TTN: variants seen among roughly 807,000 people sequenced by gnomAD.
TTN encodes the protein connectin.
A neutral mutation model predicts 3,223.0 loss-of-function variants in TTN; 1,525 were observed. The observed-to-expected ratio is 0.47, with a 90% CI of 0.45 to 0.49. The LOEUF is 0.49. TTN is among the 20% of genes least tolerant of loss of function. TTN has a pLI of 0.00. For synonymous variants in TTN, 14,094 were observed against 15,161.0 expected, an observed-to-expected ratio of 0.93 and a Z score of 5.17; for missense variants, 40,786 against 43,424.0, an observed-to-expected ratio of 0.94 and a Z score of 5.40.
Position 178,627,118 on chromosome 2 carries a change from A to T in TTN, c.44425-1722T>A, listed in dbSNP as rs1326823320. Reference sequence around the variant, plus strand: ...AATATAATACGGTAGGCTTATGACCATGACAAAACTATTAAAGTTTTGTAT... The same window carrying T: ...AATATAATACGGTAGGCTTATGACCTTGACAAAACTATTAAAGTTTTGTAT... On this transcript the variant is annotated intron_variant, in intron 240 of 362. Coordinates refer to ENST00000589042, the MANE Select transcript of TTN (RefSeq NM_001267550.2). Among the ~76,000 whole-genome samples the T allele has an allele frequency of 2.0e-5, 3 of 152,122 alleles. No individual in the cohort carries two copies. In the East Asian group the frequency reaches 5.8e-4, roughly 30 times the overall value.
Position 178,569,666 on chromosome 2 carries a change from A to C in TTN, c.76466T>G (p.Val25489Gly). Residue 25489 changes from valine (V) to glycine (G), a missense_variant, in exon 326 of 363, where the codon GTT becomes GGT. Val to Gly is a moderately radical substitution (Grantham distance 109). Coordinates refer to ENST00000589042, the MANE Select transcript of TTN (RefSeq NM_001267550.2). ...FRICAINKAG[V>G]GEHADVPGPI... ...TCCAGGGACGTCAGCATGTTCTCCA[A>C]CTCCAGCTTTATTAATAGCACAGAT... is the stretch of plus-strand genomic sequence containing the variant. 1.2e-6 allele frequency: 2 copies of C among 1,612,436 alleles called. No homozygotes were observed. The highest frequency in any genetic ancestry group is 1.7e-6 in the Non-Finnish European group (2 of 1,179,260).
At position 178,592,073 on chromosome 2, in the gene TTN, C is replaced by T. The variant is rs1202165350; in HGVS notation, c.59831G>A (p.Gly19944Asp). The T allele has an allele frequency of 1.2e-6, 2 of 1,613,022 alleles. No homozygotes were observed. Among genetic ancestry groups the T allele is most frequent in the Non-Finnish European group, 1.7e-6 (2 of 1,179,512 alleles). Reference sequence around the variant, plus strand: ...AGCTACTCGGAAGAGGTACTGGTTGCCTTCATTCAGATGCTTAGCGAAGTG... The same window carrying T: ...AGCTACTCGGAAGAGGTACTGGTTGTCTTCATTCAGATGCTTAGCGAAGTG... ...KSHFAKHLNE[G>D]NQYLFRVAAE... Residue 19944 changes from glycine to aspartate, a missense_variant, in exon 302 of 363, where the codon GGC (glycine) becomes GAC (aspartate). Physicochemically the swap from Gly to Asp is moderately conservative, Grantham distance 94. Transcript: ENST00000589042.
In TTN at chr2:178,770,498, C is replaced by T; in HGVS notation, c.8294G>A (p.Arg2765Lys). 1 of 1,614,146 alleles carries T rather than the reference C, an allele frequency of 6.2e-7. No individual in the cohort carries two copies. Among genetic ancestry groups the T allele is most frequent in the Admixed American group, 1.7e-5 (1 of 60,016 alleles). ...ISVKGTIYSLRIKNCAIVDES... is the reference protein window; with the variant it reads ...ISVKGTIYSLKIKNCAIVDES... ...ATCCACGATGGCACAGTTTTTAATC[C>T]TCAGAGAGTAAATTGTTCCTTTGAC... The change falls in exon 35 of 363, where the codon AGG becomes AAG. Residue 2765 changes from arginine to lysine, a missense_variant. By Grantham distance (26) the Arg-to-Lys change is conservative. Transcript: ENST00000589042.
chr2:178,532,282 G>C lies in TTN; in HGVS notation c.104333C>G (p.Thr34778Arg). The C allele has an allele frequency of 6.2e-7, 1 of 1,613,896 alleles. No individual in the cohort carries two copies. The highest frequency in any genetic ancestry group is 8.5e-7 in the Non-Finnish European group (1 of 1,179,872). Residue 34778 changes from threonine (T) to arginine (R), a missense_variant, in exon 358 of 363, where the codon ACG (threonine) becomes AGG (arginine). Thr to Arg is a moderately conservative substitution (Grantham distance 71, BLOSUM62 -1). Transcript: ENST00000589042. ...GTATTCTGAGAGATGCTGGGTGGTC[G>C]TAACTGGGCGAAGCAACTCTTCATC... is the stretch of plus-strand genomic sequence containing the variant. ...REDEELLRPV[T>R]TTQHLSEYKS...
intron 239 of TTN, among the ~76,000 whole-genome samples, chr2:178,629,752 T>C (rs2059561481): frequency 6.6e-6 from 1 of 152,064 alleles, no homozygotes. Context: ...CCAAAATAAC[T>C]AAGACTCTGA....
rs908946588 is a variant in TTN, at chr2:178,611,619, G to A, written c.50610C>T (p.Ala16870=). 2.5e-6 allele frequency: 4 copies of A among 1,613,046 alleles called. No homozygotes were observed. Among genetic ancestry groups the A allele is most frequent in the Non-Finnish European group, 2.5e-6 (3 of 1,179,346 alleles). ...TTTTCTCTGGAGGCTTCCAAGCAAT[G>A]GCAATGTGTTTTCTCCCAGCATCAG... The part of the protein sequence containing the change: ...HVTDAGRKHI[A]IAWKPPEKNG... Residue 16870 remains alanine, a synonymous_variant, in exon 269 of 363, where the codon GCC becomes GCT. Transcript: ENST00000589042.
Position 178,577,896 on chromosome 2 carries a change from G to T in TTN, c.68530C>A (p.Pro22844Thr). The T allele has an allele frequency of 1.3e-6, 2 of 1,581,374 alleles. No individual in the cohort carries two copies. The highest frequency in any genetic ancestry group is 1.7e-6 in the Non-Finnish European group (2 of 1,165,176). ...TTAATAACCTCAGGTTTTCCAGGAG[G>T]ATCTAAAACATAAAAGCAAAACCAG... ...EPVVALDPID[P>T]PGKPEVINIT... Residue 22844 changes from proline (P) to threonine (T), a missense_variant and splice_region_variant, in exon 323 of 363, where the codon CCT becomes ACT. By Grantham distance (38) the Pro-to-Thr change is conservative. Transcript: ENST00000589042.
At chr2:178,609,160 T>G in intron 273 of TTN, 48 bp downstream of exon 273, 1 of 1,440,506 alleles carries the variant, frequency 6.9e-7, no homozygotes, top group South Asian at 1.6e-5. Flanking sequence ...TATTTTTATG[T>G]TTTACTAAAA....
At chr2:178,639,228 A>G (rs1280264390) in intron 223 of TTN, among the ~76,000 whole-genome samples, 2 of 152,040 alleles carry the variant, frequency 1.3e-5, no homozygotes, top group Non-Finnish European at 2.9e-5. Context: ...ATTCAGTTGC[A>G]TGAAATACAT....
Position 178,566,853 on chromosome 2 carries a change from C to G in TTN, c.79279G>C (p.Asp26427His), listed in dbSNP as rs1157004476. ...EIIGYIVEKRDRSGIRWIKCN... is the reference protein window; with the variant it reads ...EIIGYIVEKRHRSGIRWIKCN... ...TTTATCCATCGAATGCCACTTCTGT[C>G]TCTTTTCTCTACAATGTAACCAATA... Residue 26427 changes from aspartate to histidine, a missense_variant, in exon 326 of 363, where the codon GAC (aspartate) becomes CAC (histidine). Asp to His is a moderately conservative substitution (Grantham distance 81). Transcript: ENST00000589042. The G allele has an allele frequency of 6.2e-7, 1 of 1,613,332 alleles. No homozygotes were observed. Among genetic ancestry groups the G allele is most frequent in the African/African-American group, 1.3e-5 (1 of 74,882 alleles).
At chr2:178,529,771 T>C (rs887075309) in intron 359 of TTN, among the ~76,000 whole-genome samples, 189 bp downstream of exon 359, 1 of 152,256 alleles carries the variant, frequency 6.6e-6, no homozygotes, top group Non-Finnish European at 1.5e-5. Flanking sequence ...CTGCTTTTTA[T>C]GCTCATAGAA....
intron 8 of TTN, 101 bp downstream of exon 8, chr2:178,794,298 A>C: frequency 6.5e-7 from 1 of 1,543,582 alleles, no homozygotes; most frequent in South Asian, 1.1e-5. Context: ...CTTCAGAATG[A>C]ATTGAGCACA....
intron 73 of TTN, 27 bp downstream of exon 73, chr2:178,723,829 T>C: frequency 1.3e-6 from 2 of 1,569,610 alleles, no homozygotes; most frequent in Non-Finnish European, 1.7e-6. Flanking sequence ...TGTAAGAAAT[T>C]CCTTACAAGT....
At chr2:178,747,966 G>T in intron 47 of TTN, 1 of 1,612,972 alleles carries the variant, frequency 6.2e-7, no homozygotes, top group East Asian at 2.2e-5. Context: ...TCACCTCTGT[G>T]GTCTTCCAAA....
Position 178,546,860 on chromosome 2 carries a change from A to G in TTN, c.94568T>C (p.Val31523Ala). 1 of 1,600,152 alleles carries G rather than the reference A, an allele frequency of 6.2e-7. No individual in the cohort carries two copies. Among genetic ancestry groups the G allele is most frequent in the South Asian group, 1.1e-5 (1 of 89,958 alleles). Residue 31523 changes from valine to alanine, a missense_variant, in exon 341 of 363, where the codon GTA becomes GCA. Coordinates refer to ENST00000589042, the MANE Select transcript of TTN (RefSeq NM_001267550.2). Reference sequence around the variant, plus strand: ...CGCTGGGGCAGACCAAATCAGTGATACTGTTGATCTTGTGACATCTGTCAC... The same window carrying G: ...CGCTGGGGCAGACCAAATCAGTGATGCTGTTGATCTTGTGACATCTGTCAC... ...PEVTDVTRST[V>A]SLIWSAPAYD...
Position 178,630,504 on chromosome 2 carries a change from T to C in TTN, c.44155-137A>G, listed in dbSNP as rs550121595. On this transcript the variant is annotated intron_variant, in intron 238 of 362. Coordinates refer to ENST00000589042, the MANE Select transcript of TTN (RefSeq NM_001267550.2). ...TTTATATAACTTTGAGCTCTTTTTT[T>C]AGGAAGTAAAGCTTACAAGTACTAA... 4 of 1,207,630 alleles carry C rather than the reference T, an allele frequency of 3.3e-6. No individual in the cohort carries two copies. The African/African-American group carries it at 6.2e-5, about 19-fold the overall frequency. The allele number at this position is 1,207,630 out of a possible 1,614,324, so 74.8% of individuals were successfully genotyped here.
At position 178,576,924 on chromosome 2, in the gene TTN, A is replaced by G; in HGVS notation, c.69411T>C (p.Phe23137=). 6.2e-7 allele frequency: 1 copy of G among 1,610,300 alleles called. No homozygotes were observed. Among genetic ancestry groups the G allele is most frequent in the Non-Finnish European group, 8.5e-7 (1 of 1,177,988 alleles). Residue 23137 remains phenylalanine (F), a splice_region_variant and synonymous_variant, in exon 324 of 363, where the codon TTT becomes TTC. Coordinates refer to ENST00000589042, the MANE Select transcript of TTN (RefSeq NM_001267550.2). The surrounding 1 kb of genome is among the most constrained non-coding windows in gnomAD (Gnocchi z 4.3). ...AATTCCCTCACATGCTCTACATACCAAATCTGTCTACCATTTTGACAGGTT... is the reference window on the plus strand; with the variant it reads ...AATTCCCTCACATGCTCTACATACCGAATCTGTCTACCATTTTGACAGGTT... The part of the protein sequence containing the change: ...QSEPVKMVDR[F]GPPGPPEKPE...
rs181299250 is a variant in TTN at position 178,565,009 on chromosome 2, C to T, written c.81123G>A (p.Thr27041=). The change falls in exon 326 of 363, where the codon ACG becomes ACA. Residue 27041 remains threonine, a synonymous_variant. Coordinates refer to ENST00000589042, the MANE Select transcript of TTN (RefSeq NM_001267550.2). ...TIKITKLKTG[T]EYQFRIFAEN... is the part of the protein sequence containing the mutation. ...CAGCAAAAATTCTAAACTGGTACTC[C>T]GTGCCTGTTTTCAGTTTGGTTATTT... 1.2e-4 allele frequency: 191 copies of T among 1,613,086 alleles called. 1 individual carries two copies. In the Admixed American group the frequency reaches 3.0e-3, roughly 25 times the overall value.
chr2:178,606,258 G>T (rs2054778397), intron 278 of TTN, among the ~76,000 whole-genome samples: 1 of 151,976 alleles, frequency 6.6e-6, no homozygotes, highest in African/African-American at 2.4e-5. Context: ...ATCCATACTT[G>T]TTGACTGTTA....
Sources: allele counts gnomAD v4.1 joint callset (sites outside exome capture counted in the v4.1 genomes callset), GRCh38; gene constraint gnomAD v4.1.1; non-coding constraint Gnocchi (gnomAD v3.1); transcripts MANE v1.5; gene names NCBI Gene and HGNC (gene_info 2026-07-23, HGNC 2026-07-21).